The following DLL1 variants were observed in gnomAD, a reference collection of about 807,000 sequenced individuals.
DLL1 encodes delta-like protein 1.
DLL1 carries 9 observed loss-of-function variants against 75.1 expected under a neutral mutation model. The observed-to-expected ratio is 0.12, with a 90% CI of 0.07 to 0.21. DLL1 has a LOEUF of 0.21. DLL1 is among the 10% of genes least tolerant of loss of function. The pLI is 1.00. For synonymous variants in DLL1, 477 were observed against 418.3 expected (o/e 1.14, Z -1.71); for missense variants, 837 against 1,007.6 (o/e 0.83, Z 2.29).
chr6:170,285,466 G>A (rs1416986062), intron 6 of DLL1, 43 bp from the exon 7 acceptor site: 19 of 1,614,030 alleles, frequency 1.2e-5, no homozygotes, highest in South Asian at 5.5e-5. Flanking sequence ...TAGGAAGCTC[G>A]ACATCAAATG....
Position 170,289,674 on chromosome 6 carries a change from G to T in DLL1, c.189C>A (p.Cys63Ter). ...ACACGCTGGCCTGGTAGTGCTTGAG[G>T]CACACGCGGAAGAAGGTCCGGCAGG... Reference protein sequence around the residue: ...PCACRTFFRVCLKHYQASVSP... With the variant: ...PCACRTFFRV Residue 63 changes from cysteine to a stop codon, truncating the protein, a stop_gained, in exon 2 of 11, where the codon TGC becomes TGA. Coordinates refer to ENST00000366756, the MANE Select transcript of DLL1 (RefSeq NM_005618.4). LOFTEE classifies it high-confidence loss of function. The T allele has an allele frequency of 6.5e-7, 1 of 1,544,714 alleles. No individual in the cohort carries two copies.
rs1783844645 is a variant in DLL1 at position 170,290,753 on chromosome 6, G to A, written c.-614C>T. The A allele has an allele frequency of 4.4e-6, 2 of 458,852 alleles. No individual in the cohort carries two copies. Among genetic ancestry groups the A allele is most frequent in the East Asian group, 9.5e-5 (2 of 21,116 alleles). 28.4% of individuals were successfully genotyped at this position (458,852 alleles called of 1,614,324 possible). A position where few individuals can be genotyped will look rare whatever the true frequency, so the allele number is the denominator to read the frequency against. The stretch of plus-strand genomic sequence containing the variant: ...GGGAGCACTCCGGGCTCCGATCTCC[G>A]GTGTCACAGCAAAGATCCGCGTCTT... On this transcript the variant is annotated 5_prime_UTR_variant, in exon 1 of 11. Coordinates refer to ENST00000366756, the MANE Select transcript of DLL1 (RefSeq NM_005618.4). The surrounding 1 kb of genome is among the most constrained non-coding windows in gnomAD (Gnocchi z 4.7).
Position 170,288,725 on chromosome 6 carries a change from T to G in DLL1, c.412+4A>C. 1 of 1,614,188 alleles carries G rather than the reference T, an allele frequency of 6.2e-7. No individual in the cohort carries two copies. Among genetic ancestry groups the G allele is most frequent in the Non-Finnish European group, 8.5e-7 (1 of 1,180,032 alleles). On this transcript the variant is annotated splice_donor_region_variant and intron_variant, in intron 3 of 10. Transcript: ENST00000366756. ...CAGTTTTGGGGTTTGGGTTTTGTTT[T>G]TACCTGTTGCGAGGTCATCAGGAGA...
intron 4 of DLL1, among the ~76,000 whole-genome samples, chr6:170,286,886 A>G (rs558457183): frequency 1.1e-4 from 16 of 152,256 alleles, no homozygotes; most frequent in African/African-American, 3.6e-4. Flanking sequence ...ATCCCCGGAG[A>G]GATCTAATCT....
chr6:170,286,528 G>C (rs868854184), intron 4 of DLL1, among the ~76,000 whole-genome samples: 1 of 152,106 alleles, frequency 6.6e-6, no homozygotes, highest in Non-Finnish European at 1.5e-5. Flanking sequence ...AAGGGCTCTC[G>C]GAAGCCCCCA....
Position 170,285,441 on chromosome 6 carries a change from A to C in DLL1, c.863-18T>G, listed in dbSNP as rs1242092364. The C allele has an allele frequency of 1.2e-6, 2 of 1,614,216 alleles. No homozygotes were observed. The highest frequency in any genetic ancestry group is 8.5e-7 in the Non-Finnish European group (1 of 1,180,042). On this transcript the variant is annotated intron_variant, in intron 6 of 10. Coordinates refer to ENST00000366756, the MANE Select transcript of DLL1 (RefSeq NM_005618.4). ...GTTCAGGTCTGTGAAGGGTGGGGAC[A>C]GGAAAAGTAGGAGATAGGAAGCTCG... is the stretch of plus-strand genomic sequence containing the variant.
rs766516902 is a variant in DLL1 at position 170,283,400 on chromosome 6, C to T, written c.1879G>A (p.Ala627Thr). The T allele has an allele frequency of 4.4e-5, 71 of 1,610,124 alleles. No homozygotes were observed. The African/African-American group carries it at 6.1e-4, about 14-fold the overall frequency. Residue 627 changes from alanine (A) to threonine (T), a missense_variant, in exon 9 of 11, where the codon GCC (alanine) becomes ACC (threonine). By Grantham distance (58) the Ala-to-Thr change is moderately conservative. Coordinates refer to ENST00000366756, the MANE Select transcript of DLL1 (RefSeq NM_005618.4). ...CGGGCCTTGAAGCCATTCTTGTCGGCGCTGTGGTCCCCGTGGAAGTCCGCC... is the reference window on the plus strand; with the variant it reads ...CGGGCCTTGAAGCCATTCTTGTCGGTGCTGTGGTCCCCGTGGAAGTCCGCC... ...KKADFHGDHS[A>T]DKNGFKARYP... is the part of the protein sequence containing the mutation.
intron 8 of DLL1, 47 bp from the exon 9 acceptor site, chr6:170,284,076 T>C (rs1329318702): frequency 6.5e-7 from 1 of 1,535,714 alleles, no homozygotes; most frequent in African/African-American, 1.4e-5. Flanking sequence ...GTAGGTTTGT[T>C]CACCAAAAAG....
intron 2 of DLL1, 55 bp from the exon 3 acceptor site, chr6:170,288,844 C>T: frequency 2.5e-6 from 4 of 1,600,828 alleles, no homozygotes; most frequent in Non-Finnish European, 3.4e-6. Context: ...GAAAAGAAAA[C>T]GGCAAAAAGC....
At chr6:170,288,864 T>C (rs1202158850) in intron 2 of DLL1, 75 bp from the exon 3 acceptor site, 28 of 1,550,964 alleles carry the variant, frequency 1.8e-5, no homozygotes, top group Non-Finnish European at 2.4e-5. Flanking sequence ...CAGTCATTCC[T>C]AACAGCCAGG....
intron 1 of DLL1, 71 bp from the exon 2 acceptor site, chr6:170,289,879 G>C (rs954051109): frequency 2.0e-6 from 3 of 1,482,640 alleles, no homozygotes; most frequent in Non-Finnish European, 2.7e-6. Flanking sequence ...GCCTGGGTGG[G>C]GGGTGTGCGG....
rs147316029 is a variant in DLL1 at position 170,285,299 on chromosome 6, A to C, written c.987T>G (p.Ile329Met). ...GYTGATCELGIDECDPSPCKN... is the reference protein window; with the variant it reads ...GYTGATCELGMDECDPSPCKN... ...TACAAGGGCTGGGGTCACACTCGTC[A>C]ATCCCCAGCTCGCAGGTGGCACCTG... The change falls in exon 7 of 11, where the codon ATT (isoleucine) becomes ATG (methionine). Residue 329 changes from isoleucine to methionine, a missense_variant. Ile to Met is a conservative substitution (Grantham distance 10). This residue lies in a region of DLL1 where 304 missense variants were observed against 461.9 expected (regional missense o/e 0.66). Coordinates refer to ENST00000366756, the MANE Select transcript of DLL1 (RefSeq NM_005618.4). 11 of 1,614,144 alleles carry C rather than the reference A, an allele frequency of 6.8e-6. No individual in the cohort carries two copies. In the East Asian group the frequency reaches 1.3e-4, roughly 20 times the overall value.
rs745618641 is a variant in DLL1, at chr6:170,283,723, A to G, written c.1556T>C (p.Leu519Pro). Residue 519 changes from leucine to proline, a missense_variant, in exon 9 of 11, where the codon CTG (leucine) becomes CCG (proline). Transcript: ENST00000366756. ...TGGGCCCGGGGGCAGCTCGGGGAGC[A>G]GGAACTGGCAGTTGGGACCCCCGTA... ...RGYGGPNCQF[L>P]LPELPPGPAV... The G allele has an allele frequency of 1.0e-5, 16 of 1,552,670 alleles. No homozygotes were observed. In the Admixed American group the frequency reaches 3.0e-4, roughly 29 times the overall value.
chr6:170,283,105 A>G lies in DLL1; in HGVS notation c.2049T>C (p.Gly683=), dbSNP rs1783598873. ...EEKGTPTTLR[G]GEASERKRPD... ...GCCTTTTTCTTTCAGATGCTTCTCC[A>G]CTAAAAGGAAAATAGAGAAAATCCA... The change falls in exon 10 of 11, where the codon GGT becomes GGC. Residue 683 remains glycine, a splice_region_variant and synonymous_variant. Transcript: ENST00000366756. 1 of 1,614,050 alleles carries G rather than the reference A, an allele frequency of 6.2e-7. No individual in the cohort carries two copies. Among genetic ancestry groups the G allele is most frequent in the Non-Finnish European group, 8.5e-7 (1 of 1,180,004 alleles).
Position 170,289,817 on chromosome 6 carries a change from G to A in DLL1, c.55-9C>T, listed in dbSNP as rs760338179. ...ACCCCAGAGCTCCAGACCTGCACGG[G>A]GGAGGGCGGGGGCGTGAGGACGCGG... is the stretch of plus-strand genomic sequence containing the variant. On this transcript the variant is annotated splice_polypyrimidine_tract_variant and intron_variant, in intron 1 of 10. Transcript: ENST00000366756. 5.9e-5 allele frequency: 91 copies of A among 1,552,830 alleles called. No individual in the cohort carries two copies. The highest frequency in any genetic ancestry group is 1.7e-4 in the Middle Eastern group (1 of 6,008).
At chr6:170,286,356 G>C in intron 4 of DLL1, 58 bp from the exon 5 acceptor site, 1 of 1,599,736 alleles carries the variant, frequency 6.3e-7, no homozygotes, top group Non-Finnish European at 8.6e-7. Flanking sequence ...CAACAGGGCT[G>C]CCGCCCTTGG....
rs1434611261 is a variant in DLL1, at chr6:170,289,514, G to T, written c.349C>A (p.Pro117Thr). Residue 117 changes from proline (P) to threonine (T), a missense_variant and splice_region_variant, in exon 2 of 11, where the codon CCG becomes ACG. Transcript: ENST00000366756. Reference protein sequence around the residue: ...PIRFPFGFTWPGTFSLIIEAL... With the variant: ...PIRFPFGFTWTGTFSLIIEAL... ...GCGCGCGCAGGTGCGGCACTCACCG[G>T]CCAGGTGAAGCCGAAGGGGAAGCGG... The T allele has an allele frequency of 6.5e-7, 1 of 1,534,344 alleles. No individual in the cohort carries two copies. The highest frequency in any genetic ancestry group is 2.0e-5 in the Admixed American group (1 of 50,970).
chr6:170,285,232 T>C (rs762421857), intron 7 of DLL1, 22 bp downstream of exon 7: 1 of 1,614,152 alleles, frequency 6.2e-7, no homozygotes, highest in South Asian at 1.1e-5. Flanking sequence ...CCGGGTGAGA[T>C]GCCATGGAGC....
At position 170,285,677 on chromosome 6, in the gene DLL1, G is replaced by A. The variant is rs1185776829; in HGVS notation, c.754C>T (p.Arg252Trp). ...ECKCRVGWQG[R>W]YCDECIRYPG... The stretch of plus-strand genomic sequence containing the variant: ...TAGCGGATACACTCGTCACAGTACC[G>A]GCCCTGCCAGCCCACTCTGCACCTT... Residue 252 changes from arginine to tryptophan, a missense_variant, in exon 6 of 11, where the codon CGG (arginine) becomes TGG (tryptophan). Arg to Trp is a moderately radical substitution (Grantham distance 101). Transcript: ENST00000366756. 6.2e-7 allele frequency: 1 copy of A among 1,614,096 alleles called. No individual in the cohort carries two copies. The highest frequency in any genetic ancestry group is 2.2e-5 in the East Asian group (1 of 44,884).
Sources: allele counts gnomAD v4.1 joint callset (sites outside exome capture counted in the v4.1 genomes callset), GRCh38; gene constraint gnomAD v4.1.1; regional missense constraint gnomAD v4.1.1; non-coding constraint Gnocchi (gnomAD v3.1); transcripts MANE v1.5; gene names NCBI Gene and HGNC (gene_info 2026-07-23, HGNC 2026-07-21).